IPO11: variants seen among roughly 807,000 people sequenced by gnomAD.
IPO11 encodes the protein importin-11.
IPO11 carries 66 observed loss-of-function variants against 143.2 expected under a neutral mutation model. The observed-to-expected ratio is 0.46, with a 90% confidence interval of 0.38 to 0.57. The LOEUF (loss-of-function observed/expected upper bound fraction) is 0.57, where lower values mean the gene tolerates loss of function less well. IPO11 is among the 20% of genes least tolerant of loss of function. The probability of loss-of-function intolerance (pLI) is 0.00; values close to 1 mark genes in which losing one functional copy is unlikely to be tolerated. For missense variants in IPO11, 1,026 were observed against 1,141.0 expected (o/e 0.90, Z 1.45); for synonymous variants, 385 against 377.8 (o/e 1.02, Z -0.22).
intron 27 of IPO11, among the ~76,000 whole-genome samples, chr5:62,571,297 C>T (rs1171587085): frequency 6.6e-6 from 1 of 152,110 alleles, no homozygotes; most frequent in Non-Finnish European, 1.5e-5. Flanking sequence ...CCTGGTCTGC[C>T]TACTGTTTGT....
intron 15 of IPO11, among the ~76,000 whole-genome samples, chr5:62,490,946 A>G (rs748104037): frequency 7.2e-5 from 11 of 152,162 alleles, no homozygotes; most frequent in South Asian, 2.1e-4. Flanking sequence ...TTTTATATAC[A>G]TTTAAGCACT....
At chr5:62,444,961 TTATTAAA>T (rs1472410076) in intron 3 of IPO11, among the ~76,000 whole-genome samples, 2 of 151,452 alleles carry the variant, frequency 1.3e-5, no homozygotes, top group Non-Finnish European at 2.9e-5. Context: ...GGAAAGTAAA[TTATTAAA>T]TATTTCATGT....
intron 23 of IPO11, 63 bp from the exon 24 acceptor site, chr5:62,537,146 T>TCC: frequency 1.0e-6 from 1 of 956,616 alleles, no homozygotes; most frequent in Non-Finnish European, 1.7e-6. Flanking sequence ...CCAAATGAAA[T>TCC]TTTATGCCTT....
chr5:62,453,792 T>C (rs747675832), intron 5 of IPO11, among the ~76,000 whole-genome samples: 1 of 152,228 alleles, frequency 6.6e-6, no homozygotes, highest in Non-Finnish European at 1.5e-5. Flanking sequence ...CACCAAAGTT[T>C]ACGTCACACC....
intron 28 of IPO11, among the ~76,000 whole-genome samples, chr5:62,592,577 C>T (rs1375093411): frequency 6.6e-6 from 1 of 151,938 alleles, no homozygotes; most frequent in Admixed American, 6.6e-5. Context: ...CTGTATTAGT[C>T]CATTCTCACG....
intron 6 of IPO11, among the ~76,000 whole-genome samples, chr5:62,468,746 A>C (rs973532212): frequency 1.3e-5 from 2 of 152,216 alleles, no homozygotes. Context: ...GCCTGCCTTA[A>C]GCTTTTTAAT....
At chr5:62,533,466 CCT>C (rs1213530049) in intron 22 of IPO11, among the ~76,000 whole-genome samples, 1 of 152,058 alleles carries the variant, frequency 6.6e-6, no homozygotes, top group Non-Finnish European at 1.5e-5. Context: ...CCCACTTTGG[CCT>C]CTCAAAGTGC....
intron 29 of IPO11, among the ~76,000 whole-genome samples, chr5:62,619,118 A>G (rs1055314283): frequency 6.6e-6 from 1 of 152,110 alleles, no homozygotes; most frequent in Non-Finnish European, 1.5e-5. Context: ...AGCTCCTTGA[A>G]TTTGAATGGC....
chr5:62,532,504 T>C (rs1445344174), intron 22 of IPO11, among the ~76,000 whole-genome samples: 1 of 152,044 alleles, frequency 6.6e-6, no homozygotes, highest in African/African-American at 2.4e-5. Context: ...ACTACAGGCA[T>C]GTGCCACCAT....
chr5:62,623,571 C>T (rs1370243291), intron 29 of IPO11, among the ~76,000 whole-genome samples: 3 of 151,788 alleles, frequency 2.0e-5, no homozygotes, highest in Admixed American at 6.6e-5. Flanking sequence ...AATGGCTACT[C>T]CATAGGCAGA....
At chr5:62,572,959 C>G (rs1048076893) in intron 27 of IPO11, among the ~76,000 whole-genome samples, 1 of 152,106 alleles carries the variant, frequency 6.6e-6, no homozygotes, top group African/African-American at 2.4e-5. Flanking sequence ...TTCTCAAGTT[C>G]CGTTTGTTAC....
chr5:62,546,932 G>A (rs1743220405), intron 24 of IPO11, among the ~76,000 whole-genome samples: 1 of 152,016 alleles, frequency 6.6e-6, no homozygotes. Context: ...AGGAGAGGGT[G>A]AAACTAGATC....
At chr5:62,500,698 A>G (rs188878908) in intron 16 of IPO11, among the ~76,000 whole-genome samples, 348 of 152,178 alleles carry the variant, frequency 2.3e-3, no homozygotes, top group African/African-American at 7.7e-3. Flanking sequence ...GGATCTCTCT[A>G]TGTTGCCCAG....
intron 5 of IPO11, among the ~76,000 whole-genome samples, chr5:62,452,555 G>A (rs761242432): frequency 6.6e-6 from 1 of 150,906 alleles, no homozygotes; most frequent in African/African-American, 2.5e-5. Context: ...GAATTGATAC[G>A]TCTGGGTAAC....
At chr5:62,490,779 A>G (rs1346851556) in intron 15 of IPO11, among the ~76,000 whole-genome samples, 1 of 152,046 alleles carries the variant, frequency 6.6e-6, no homozygotes, top group Non-Finnish European at 1.5e-5. Context: ...TTTTTTTGAA[A>G]TAGTCTCATT....
At chr5:62,574,927 A>G (rs1300288033) in intron 27 of IPO11, among the ~76,000 whole-genome samples, 1 of 152,206 alleles carries the variant, frequency 6.6e-6, no homozygotes. Context: ...TTGAAATTTT[A>G]TGCTTCTCAT....
chr5:62,618,684 A>G (rs1746231573), intron 29 of IPO11, among the ~76,000 whole-genome samples: 1 of 152,288 alleles, frequency 6.6e-6, no homozygotes, highest in African/African-American at 2.4e-5. Flanking sequence ...CAGTTTTCCC[A>G]TATTAATTTT....
At chr5:62,492,355 A>G (rs1292376094) in intron 15 of IPO11, among the ~76,000 whole-genome samples, 1 of 151,972 alleles carries the variant, frequency 6.6e-6, no homozygotes, top group African/African-American at 2.4e-5. Flanking sequence ...TTGAAATGAC[A>G]TTTTTCCACC....
intron 1 of IPO11, among the ~76,000 whole-genome samples, chr5:62,424,333 G>A (rs1743631678): frequency 6.6e-6 from 1 of 151,934 alleles, no homozygotes. Context: ...TAGAGACGGG[G>A]TTTCACCATG....
Sources: gnomAD v4.1 joint callset for allele counts (sites outside exome capture counted in the v4.1 genomes callset) on GRCh38, gnomAD v4.1.1 for gene constraint, MANE v1.5 for transcripts, NCBI Gene and HGNC (gene_info 2026-07-23, HGNC 2026-07-21) for gene names.